Variants in PPARG observed in about 807,000 individuals in gnomAD.
PPARG encodes peroxisome proliferator activated receptor gamma, also known as peroxisome proliferator-activated receptor gamma.
PPARG carries 17 observed loss-of-function variants against 39.2 expected under a neutral mutation model. The ratio of observed to expected loss-of-function variants is 0.43; its 90% CI spans 0.30 to 0.65. The LOEUF (loss-of-function observed/expected upper bound fraction) is 0.65. PPARG is among the 30% of genes least tolerant of loss of function. The pLI, the probability that PPARG is intolerant of heterozygous loss-of-function variation, is 0.13. For missense variants in PPARG, 406 were observed against 585.9 expected (o/e 0.69, Z 3.17); for synonymous variants, 223 against 215.7 (o/e 1.03, Z -0.30).
At chr3:12,424,123 A>G (rs1001342653) in intron 7 of PPARG, among the ~76,000 whole-genome samples, 3 of 152,272 alleles carry the variant, frequency 2.0e-5, no homozygotes, top group African/African-American at 7.2e-5. Flanking sequence ...TCATAACCCC[A>G]TAGACTTGGT....
intron 2 of PPARG, among the ~76,000 whole-genome samples, chr3:12,364,147 C>A (rs556878885): frequency 9.9e-5 from 15 of 152,178 alleles, no homozygotes; most frequent in Non-Finnish European, 1.8e-4. Flanking sequence ...GGACACATAT[C>A]CACCATTGTA....
At chr3:12,384,116 T>A (rs2049785069) in intron 4 of PPARG, among the ~76,000 whole-genome samples, 1 of 152,082 alleles carries the variant, frequency 6.6e-6, no homozygotes, top group Non-Finnish European at 1.5e-5. Context: ...AAAATAGACA[T>A]CTACACGTTT....
At chr3:12,309,241 C>A (rs13097936) in intron 1 of PPARG, among the ~76,000 whole-genome samples, 37,869 of 152,040 alleles carry the variant, frequency 0.25, 4,830 homozygotes, top group East Asian at 0.33. Context: ...AAGTTTCATG[C>A]TTTTTAAAAG....
chr3:12,416,611 A>G lies in PPARG; in HGVS notation c.730-93A>G, dbSNP rs2051064696. 8.1e-6 allele frequency: 10 copies of G among 1,234,284 alleles called. 1 individual carries two copies. The South Asian group carries it at 1.3e-4, about 16-fold the overall frequency. 76.5% of individuals were successfully genotyped at this position (1,234,284 alleles called of 1,614,324 possible). ...CTTTAAAGATTTTAGTTAGCAAAGC[A>G]AGTTTACATAAACAGTTTTCTGAAC... On this transcript the variant is annotated intron_variant, in intron 6 of 7. Coordinates refer to ENST00000651735, the MANE Select transcript of PPARG (RefSeq NM_138711.6).
At chr3:12,426,155 G>A (rs552118652) in intron 7 of PPARG, among the ~76,000 whole-genome samples, 15 of 152,208 alleles carry the variant, frequency 9.9e-5, no homozygotes, top group African/African-American at 3.1e-4. Context: ...TGGTTATCCC[G>A]CTCCACCATC....
At chr3:12,399,961 G>A (rs1459789452) in intron 5 of PPARG, among the ~76,000 whole-genome samples, 2 of 150,798 alleles carry the variant, frequency 1.3e-5, no homozygotes, top group Non-Finnish European at 2.9e-5. Context: ...TCCCACCTGC[G>A]TGATCGAGAA....
intron 1 of PPARG, among the ~76,000 whole-genome samples, chr3:12,289,505 A>T (rs2046596444): frequency 6.6e-6 from 1 of 152,200 alleles, no homozygotes; most frequent in Non-Finnish European, 1.5e-5. Flanking sequence ...CATTATTTTA[A>T]CCCCAACTGT....
At chr3:12,421,093 T>G (rs999567612) in intron 7 of PPARG, among the ~76,000 whole-genome samples, 7 of 152,318 alleles carry the variant, frequency 4.6e-5, no homozygotes, top group Admixed American at 3.3e-4. Context: ...GTCGTAAACT[T>G]AAGTGATTTG....
At chr3:12,314,661 A>G (rs575664837) in intron 2 of PPARG, among the ~76,000 whole-genome samples, 7 of 152,324 alleles carry the variant, frequency 4.6e-5, no homozygotes, top group African/African-American at 1.7e-4. Flanking sequence ...TTGCTAAGGA[A>G]TCACTACAGA....
At chr3:12,327,869 C>T in intron 2 of PPARG, 1 of 487,496 alleles carries the variant, frequency 2.1e-6, no homozygotes. Flanking sequence ...ACAAAGCAAG[C>T]AAACTGAACA....
intron 4 of PPARG, among the ~76,000 whole-genome samples, chr3:12,387,167 C>T (rs1434505356): frequency 6.6e-6 from 1 of 152,118 alleles, no homozygotes. Context: ...GTGAATAGTG[C>T]CATAATAAAC....
In PPARG at chr3:12,402,994, G is replaced by A. The variant is rs377213822; in HGVS notation, c.530-2888G>A. Among the ~76,000 whole-genome samples the A allele has an allele frequency of 1.7e-4, 26 of 152,264 alleles. No individual in the cohort carries two copies. In the East Asian group the frequency reaches 3.7e-3, roughly 21 times the overall value. On this transcript the variant is annotated intron_variant, in intron 5 of 7. Coordinates refer to ENST00000651735, the MANE Select transcript of PPARG (RefSeq NM_138711.6). ...TAATATCTAATACAGTATAAATACT[G>A]TATAAATAGTTCCTATGGCCAGGTG...
chr3:12,432,862 G>A (rs1005679711), intron 7 of PPARG, among the ~76,000 whole-genome samples: 29 of 152,144 alleles, frequency 1.9e-4, no homozygotes, highest in African/African-American at 7.0e-4. Context: ...GAAAATGAAG[G>A]GTCCATTCAC....
intron 3 of PPARG, among the ~76,000 whole-genome samples, chr3:12,381,085 C>T (rs1036310528): frequency 6.6e-6 from 1 of 152,174 alleles, no homozygotes; most frequent in Admixed American, 6.5e-5. Context: ...GAACCACAGA[C>T]TTAATTCTCA....
intron 5 of PPARG, among the ~76,000 whole-genome samples, chr3:12,395,397 G>A (rs2050223218): frequency 6.6e-6 from 1 of 152,176 alleles, no homozygotes; most frequent in South Asian, 2.1e-4. Context: ...AGCAATTTCG[G>A]GCAGTTGGTT....
intron 4 of PPARG, among the ~76,000 whole-genome samples, chr3:12,382,913 G>T (rs935424501): frequency 6.6e-6 from 1 of 152,152 alleles, no homozygotes; most frequent in African/African-American, 2.4e-5. Flanking sequence ...CAAGGCTGCA[G>T]TGAGCTATGA....
At chr3:12,298,088 A>T (rs548063410) in intron 1 of PPARG, 2 of 151,472 alleles carry the variant, frequency 1.3e-5, no homozygotes, top group African/African-American at 4.8e-5. Flanking sequence ...TCACGAGGTC[A>T]GGAGATCGAG....
intron 2 of PPARG, among the ~76,000 whole-genome samples, chr3:12,325,225 A>C (rs1229432930): frequency 1.3e-5 from 2 of 152,160 alleles, no homozygotes; most frequent in Non-Finnish European, 2.9e-5. Context: ...GTTCAAGACC[A>C]GCCTGGCCAA....
rs372922148 is a variant in PPARG, at chr3:12,359,576, A to G, written c.-8-20128A>G. Among the ~76,000 whole-genome samples, 7 of 152,192 alleles carry G rather than the reference A, an allele frequency of 4.6e-5. No homozygotes were observed. In the South Asian group the frequency reaches 1.0e-3, roughly 22 times the overall value. ...GAAAAAAATTCCTGCATTGTTTAAA[A>G]ATACAGTGTCCTTGTAAAGCAGAAT... On this transcript the variant is annotated intron_variant, in intron 2 of 7. Coordinates refer to ENST00000651735, the MANE Select transcript of PPARG (RefSeq NM_138711.6).
Sources: allele counts gnomAD v4.1 joint callset (sites outside exome capture counted in the v4.1 genomes callset), GRCh38; gene constraint gnomAD v4.1.1; transcripts MANE v1.5; gene names NCBI Gene and HGNC (gene_info 2026-07-23, HGNC 2026-07-21).